XPNPEP3: variants seen among roughly 807,000 people sequenced by gnomAD.
XPNPEP3 encodes the protein X-prolyl aminopeptidase 3.
Under a neutral mutation model 60.0 loss-of-function variants are expected in XPNPEP3, and 41 were observed. The ratio of observed to expected loss-of-function variants is 0.68; its 90% confidence interval spans 0.53 to 0.89. The LOEUF is 0.89. XPNPEP3 is among the 40% of genes least tolerant of loss of function. XPNPEP3 has a pLI of 0.00. For missense variants in XPNPEP3, 598 were observed against 638.9 expected, an observed-to-expected ratio of 0.94 and a Z score of 0.69; for synonymous variants, 212 against 223.2, an observed-to-expected ratio of 0.95 and a Z score of 0.45.
intron 4 of XPNPEP3, among the ~76,000 whole-genome samples, chr22:40,903,110 C>T (rs1256945288): frequency 6.6e-6 from 1 of 152,196 alleles, no homozygotes; most frequent in East Asian, 1.9e-4. Flanking sequence ...ACAAACTGCT[C>T]TGAAACTCCC....
intron 1 of XPNPEP3, among the ~76,000 whole-genome samples, chr22:40,867,569 C>G (rs1177661132): frequency 6.6e-6 from 1 of 151,658 alleles, no homozygotes; most frequent in Admixed American, 6.6e-5. Context: ...GGTTTCCAAC[C>G]TGGGCAACAT....
At chr22:40,896,838 T>C (rs986671240) in intron 4 of XPNPEP3, among the ~76,000 whole-genome samples, 7 of 152,128 alleles carry the variant, frequency 4.6e-5, no homozygotes, top group Non-Finnish European at 1.0e-4. Context: ...CTGGTAACTT[T>C]TACTTTTTCT....
chr22:40,863,708 T>C (rs2057963572), intron 1 of XPNPEP3, among the ~76,000 whole-genome samples: 1 of 152,238 alleles, frequency 6.6e-6, no homozygotes, highest in South Asian at 2.1e-4. Flanking sequence ...TTGAGTACCC[T>C]CTGAGTCACA....
intron 4 of XPNPEP3, chr22:40,907,160 G>C: frequency 2.2e-6 from 1 of 457,236 alleles, no homozygotes; most frequent in South Asian, 1.5e-5. Context: ...GGTGGCTCAC[G>C]CCTGTATTCC....
chr22:40,913,872 C>T (rs1428276854), intron 6 of XPNPEP3, among the ~76,000 whole-genome samples: 1 of 152,078 alleles, frequency 6.6e-6, no homozygotes, highest in Non-Finnish European at 1.5e-5. Flanking sequence ...GGACCAAGTG[C>T]AGTGGCTCAC....
intron 2 of XPNPEP3, among the ~76,000 whole-genome samples, chr22:40,872,160 T>C (rs1054416298): frequency 2.0e-5 from 3 of 152,230 alleles, no homozygotes; most frequent in Non-Finnish European, 4.4e-5. Context: ...TTGGAAAATA[T>C]TTAGCAGGAT....
intron 4 of XPNPEP3, among the ~76,000 whole-genome samples, chr22:40,905,131 G>A (rs2058149610): frequency 6.6e-6 from 1 of 150,980 alleles, no homozygotes; most frequent in Non-Finnish European, 1.5e-5. Flanking sequence ...CCAGGCTGGA[G>A]TGCAGTGGCA....
chr22:40,859,966 A>G (rs370006369), intron 1 of XPNPEP3: 3 of 152,332 alleles, frequency 2.0e-5, no homozygotes, highest in African/African-American at 7.2e-5. Context: ...TGATTCACTG[A>G]TGGCCTACCA....
chr22:40,860,745 C>T, intron 1 of XPNPEP3: 1 of 771,394 alleles, frequency 1.3e-6, no homozygotes. Flanking sequence ...CTATGTCTTC[C>T]AGGCTCAAGC....
chr22:40,861,862 TTCTC>T (rs1569012496), intron 1 of XPNPEP3: 1 of 1,614,106 alleles, frequency 6.2e-7, no homozygotes, highest in African/African-American at 1.3e-5. Context: ...TCTTTGAATT[TTCTC>T]TCTGCTTCTT....
intron 4 of XPNPEP3, among the ~76,000 whole-genome samples, chr22:40,889,313 A>G (rs1161146432): frequency 1.3e-5 from 2 of 152,154 alleles, no homozygotes; most frequent in South Asian, 2.1e-4. Context: ...GCATGAGCCA[A>G]CATGTCCAGC....
intron 4 of XPNPEP3, among the ~76,000 whole-genome samples, chr22:40,892,096 C>CT (rs1423046618): frequency 6.6e-6 from 1 of 152,170 alleles, no homozygotes; most frequent in African/African-American, 2.4e-5. Context: ...ATAGCACTGT[C>CT]TATCATTTCA....
chr22:40,897,118 G>C (rs2058111576), intron 4 of XPNPEP3, among the ~76,000 whole-genome samples: 1 of 140,324 alleles, frequency 7.1e-6, no homozygotes, highest in Admixed American at 7.9e-5. Flanking sequence ...TGCAGGCTCC[G>C]CCGGGTTCAC....
intron 6 of XPNPEP3, among the ~76,000 whole-genome samples, chr22:40,909,531 A>C (rs1473049616): frequency 6.6e-6 from 1 of 152,164 alleles, no homozygotes; most frequent in Non-Finnish European, 1.5e-5. Flanking sequence ...TTGAGAGGCC[A>C]AGGCGGGTGA....
chr22:40,861,297 A>T, intron 1 of XPNPEP3: 1 of 1,614,170 alleles, frequency 6.2e-7, no homozygotes, highest in Non-Finnish European at 8.5e-7. Flanking sequence ...TTCTTTTGCA[A>T]AGCCCTCTTC....
At chr22:40,900,891 G>A (rs1428834648) in intron 4 of XPNPEP3, among the ~76,000 whole-genome samples, 1 of 152,048 alleles carries the variant, frequency 6.6e-6, no homozygotes, top group African/African-American at 2.4e-5. Context: ...CAAGATCACA[G>A]CACTGCACTT....
intron 4 of XPNPEP3, among the ~76,000 whole-genome samples, chr22:40,903,785 G>A (rs990968541): frequency 3.3e-5 from 5 of 151,860 alleles, no homozygotes; most frequent in Admixed American, 6.6e-5. Context: ...ACTGTGCCCA[G>A]TCTCAAATCA....
intron 4 of XPNPEP3, among the ~76,000 whole-genome samples, chr22:40,889,824 T>A (rs2058082261): frequency 6.6e-6 from 1 of 151,858 alleles, no homozygotes; most frequent in South Asian, 2.1e-4. Context: ...GCAAACACTG[T>A]CTCTAAAAAA....
chr22:40,869,910 A>T (rs1459557008), intron 2 of XPNPEP3: 11 of 330,748 alleles, frequency 3.3e-5, no homozygotes, highest in Non-Finnish European at 6.1e-5. Flanking sequence ...GAAATTAAAT[A>T]TGTATTTGCC....
Sources: allele counts gnomAD v4.1 joint callset (sites outside exome capture counted in the v4.1 genomes callset), GRCh38; gene constraint gnomAD v4.1.1; transcripts MANE v1.5; gene names NCBI Gene and HGNC (gene_info 2026-07-23, HGNC 2026-07-21).